HHLA1: variants seen among roughly 807,000 people sequenced by gnomAD.
HHLA1 encodes the protein HERV-H LTR-associating protein 1.
A neutral mutation model predicts 69.9 loss-of-function variants in HHLA1; 72 were observed. That is an observed-to-expected ratio of 1.03 (90% CI 0.85 to 1.25). HHLA1 has a LOEUF of 1.25. Among genes scored for constraint, HHLA1 ranks in the 50% most tolerant of loss-of-function variants. The pLI, the probability that HHLA1 is intolerant of heterozygous loss-of-function variation, is 0.00. For missense variants in HHLA1, 685 were observed against 642.2 expected (o/e 1.07, Z -0.72); for synonymous variants, 252 against 233.2 (o/e 1.08, Z -0.73).
At chr8:132,074,066 T>C (rs1384384819) in intron 14 of HHLA1, among the ~76,000 whole-genome samples, 1 of 152,246 alleles carries the variant, frequency 6.6e-6, no homozygotes, top group Admixed American at 6.5e-5. Flanking sequence ...GACAAAGTAC[T>C]GTTAATCTCA....
In HHLA1 at chr8:132,104,102, A is replaced by C. The variant is rs1824163662; in HGVS notation, c.139+6T>G. The C allele has an allele frequency of 3.2e-6, 5 of 1,546,154 alleles. No individual in the cohort carries two copies. Among genetic ancestry groups the C allele is most frequent in the Non-Finnish European group, 4.4e-6 (5 of 1,141,958 alleles). ...AGCTGAAAAGGAGCCCTTATCACCC[A>C]CTTACCTGTTGTAGGTAAAAAGGTC... On this transcript the variant is annotated splice_donor_region_variant and intron_variant, in intron 3 of 16. Transcript: ENST00000414222.
chr8:132,086,659 ACT>A (rs2130889162), intron 10 of HHLA1, among the ~76,000 whole-genome samples: 1 of 151,980 alleles, frequency 6.6e-6, no homozygotes, highest in East Asian at 1.9e-4. Context: ...TCATGGAAAG[ACT>A]CTCCAAATAA....
At position 132,065,915 on chromosome 8, in the gene HHLA1, T is replaced by C; in HGVS notation, c.1523A>G (p.Gln508Arg). The change falls in exon 16 of 17, where the codon CAG becomes CGG. Residue 508 changes from glutamine (Q) to arginine (R), a missense_variant. Transcript: ENST00000414222. ...WFLKNATYIC[Q>R]RVKRVSHSHT... ...CGAGTGGGACACCCTTTTCACCCTCTGACAGATATATGTTGCATTCTTCAG... is the reference window on the plus strand; with the variant it reads ...CGAGTGGGACACCCTTTTCACCCTCCGACAGATATATGTTGCATTCTTCAG... 1 of 1,303,282 alleles carries C rather than the reference T, an allele frequency of 7.7e-7. No homozygotes were observed. The highest frequency in any genetic ancestry group is 1.0e-6 in the Non-Finnish European group (1 of 987,012). The allele number at this position is 1,303,282 out of a possible 1,614,324, so 80.7% of individuals were successfully genotyped here.
At chr8:132,068,852 A>G (rs762167153) in intron 15 of HHLA1, among the ~76,000 whole-genome samples, 3 of 152,208 alleles carry the variant, frequency 2.0e-5, no homozygotes, top group Admixed American at 6.5e-5. Context: ...GGGGCCCCAA[A>G]TAAGAAAGAT....
Position 132,079,775 on chromosome 8 carries a change from G to T in HHLA1, c.868C>A (p.Leu290Ile). Residue 290 changes from leucine (L) to isoleucine (I), a missense_variant, in exon 11 of 17, where the codon CTT becomes ATT. Leu to Ile is a conservative substitution (Grantham distance 5). Transcript: ENST00000414222. ...CATGTGGCTGTGGCCCTGGCTGGAA[G>T]CTCAGGAGGCCTGCCTGTGTTCAGG... is the stretch of plus-strand genomic sequence containing the variant. Reference protein sequence around the residue: ...ETLNTGRPPELPARATATWFS... With the variant: ...ETLNTGRPPEIPARATATWFS... The T allele has an allele frequency of 6.4e-7, 1 of 1,551,714 alleles. No individual in the cohort carries two copies. Among genetic ancestry groups the T allele is most frequent in the Non-Finnish European group, 8.7e-7 (1 of 1,146,976 alleles).
At chr8:132,101,557 A>G (rs563723633) in intron 3 of HHLA1, among the ~76,000 whole-genome samples, 8 of 150,626 alleles carry the variant, frequency 5.3e-5, no homozygotes, top group Non-Finnish European at 1.0e-4. Flanking sequence ...ATTGAAAAAC[A>G]CTTAACATGA....
chr8:132,078,038 T>C (rs767904303), intron 11 of HHLA1, 67 bp from the exon 12 acceptor site: 13 of 1,512,676 alleles, frequency 8.6e-6, no homozygotes, highest in Non-Finnish European at 1.1e-5. Flanking sequence ...GACATGAAAT[T>C]GCTGAGACAT....
chr8:132,083,110 CA>C (rs1374328147), intron 10 of HHLA1, among the ~76,000 whole-genome samples: 2 of 150,146 alleles, frequency 1.3e-5, no homozygotes, highest in East Asian at 1.9e-4. Context: ...GAGGAGGACG[CA>C]AAGGAGGCTT....
chr8:132,107,077 A>G (rs1216222604), intron 1 of HHLA1, among the ~76,000 whole-genome samples: 1 of 152,168 alleles, frequency 6.6e-6, no homozygotes, highest in Non-Finnish European at 1.5e-5. Flanking sequence ...TCATTCTCTT[A>G]TCTTTCTCTC....
In HHLA1 at chr8:132,103,988, A is replaced by G. The variant is rs544172401; in HGVS notation, c.139+120T>C. 1.8e-4 allele frequency: 127 copies of G among 695,664 alleles called. 1 individual carries two copies. In the South Asian group the frequency reaches 2.0e-3, roughly 11 times the overall value. 43.1% of individuals were successfully genotyped at this position (695,664 alleles called of 1,614,324 possible). ...GCTCACAGGAACCATTGTTGTGACT[A>G]TTAGAGTGTTAGATGCGGATATAAT... On this transcript the variant is annotated intron_variant, in intron 3 of 16. Transcript: ENST00000414222.
At chr8:132,078,016 C>T in intron 11 of HHLA1, 45 bp from the exon 12 acceptor site, 2 of 1,538,350 alleles carry the variant, frequency 1.3e-6, no homozygotes, top group Non-Finnish European at 1.8e-6. Context: ...CATGCTTGAC[C>T]ACTTCGATTC....
At chr8:132,097,897 C>T (rs1187566552) in intron 5 of HHLA1, among the ~76,000 whole-genome samples, 1 of 152,198 alleles carries the variant, frequency 6.6e-6, no homozygotes, top group African/African-American at 2.4e-5. Flanking sequence ...GTGTATTGCA[C>T]AATCCTAGGG....
At chr8:132,070,239 A>G in intron 15 of HHLA1, 1 of 680,668 alleles carries the variant, frequency 1.5e-6, no homozygotes, top group Admixed American at 2.1e-5. Context: ...AATAAATCCC[A>G]GAAGAAATAA....
chr8:132,099,934 T>C, intron 4 of HHLA1, 141 bp downstream of exon 4: 1 of 647,288 alleles, frequency 1.5e-6, no homozygotes, highest in Non-Finnish European at 2.8e-6. Flanking sequence ...AACATTGTCT[T>C]CTTCAACTTT....
intron 16 of HHLA1, among the ~76,000 whole-genome samples, chr8:132,064,338 A>G (rs1468313138): frequency 1.3e-5 from 2 of 152,226 alleles, no homozygotes; most frequent in African/African-American, 4.8e-5. Flanking sequence ...AGCTTGCACG[A>G]GGCTAATTTA....
intron 14 of HHLA1, among the ~76,000 whole-genome samples, chr8:132,072,186 G>C (rs180689218): frequency 6.6e-6 from 1 of 152,186 alleles, no homozygotes; most frequent in African/African-American, 2.4e-5. Context: ...TAGTTTTTAG[G>C]AGGAAGGCCA....
At chr8:132,068,670 C>T (rs1484088923) in intron 15 of HHLA1, among the ~76,000 whole-genome samples, 1 of 152,226 alleles carries the variant, frequency 6.6e-6, no homozygotes, top group East Asian at 1.9e-4. Flanking sequence ...GTAGGTATGT[C>T]TATCTAAATT....
chr8:132,082,324 C>A (rs1354133735), intron 10 of HHLA1, among the ~76,000 whole-genome samples: 4 of 152,310 alleles, frequency 2.6e-5, no homozygotes, highest in African/African-American at 9.6e-5. Context: ...CCGCTGCACG[C>A]AGACATGAGG....
intron 3 of HHLA1, among the ~76,000 whole-genome samples, chr8:132,101,009 A>T (rs955386747): frequency 6.6e-6 from 1 of 152,236 alleles, no homozygotes; most frequent in Non-Finnish European, 1.5e-5. Flanking sequence ...GACAAGCAAC[A>T]TATCTTATTG....
Sources: gnomAD v4.1 joint callset for allele counts (sites outside exome capture counted in the v4.1 genomes callset) on GRCh38, gnomAD v4.1.1 for gene constraint, MANE v1.5 for transcripts, NCBI Gene and HGNC (gene_info 2026-07-23, HGNC 2026-07-21) for gene names.